The following SLC39A10 variants were observed in gnomAD, a reference collection of about 807,000 sequenced individuals.
SLC39A10 encodes the protein solute carrier family 39 member 10, also known as zinc transporter ZIP10.
Under a neutral mutation model 65.1 loss-of-function variants are expected in SLC39A10, and 13 were observed. The ratio of observed to expected loss-of-function variants is 0.20; its 90% CI spans 0.13 to 0.32. The LOEUF is 0.32. Ranked by LOEUF, SLC39A10 falls within the 10% of genes least tolerant of loss-of-function variation. The pLI is 1.00. For missense variants in SLC39A10, 831 were observed against 1,018.4 expected, an observed-to-expected ratio of 0.82 and a Z score of 2.50; for synonymous variants, 321 against 342.2, an observed-to-expected ratio of 0.94 and a Z score of 0.68.
rs547908689 is a variant in SLC39A10, at chr2:195,661,232, A to G, written c.-12+3951A>G. 1.2e-3 allele frequency among the ~76,000 whole-genome samples: 178 copies of G among 152,238 alleles called. 1 individual carries two copies. Among genetic ancestry groups the G allele is most frequent in the Non-Finnish European group, 2.0e-3 (133 of 67,998 alleles). ...AGATTATTGCAATATCAGTATTTCAAACTCTTTTTTTTCTTTTTATTATCC... is the reference window on the plus strand; with the variant it reads ...AGATTATTGCAATATCAGTATTTCAGACTCTTTTTTTTCTTTTTATTATCC... On this transcript the variant is annotated intron_variant, in intron 1 of 9. Transcript: ENST00000359634.
intron 2 of SLC39A10, among the ~76,000 whole-genome samples, chr2:195,620,310 G>A (rs1028404613): frequency 1.3e-5 from 2 of 152,104 alleles, no homozygotes; most frequent in Non-Finnish European, 2.9e-5. Flanking sequence ...TATAGCTGAG[G>A]TATAAAAGTA....
chr2:195,718,370 A>T lies in SLC39A10; in HGVS notation c.2146+38A>T, dbSNP rs202104221. On this transcript the variant is annotated intron_variant, in intron 8 of 9. Transcript: ENST00000359634. ...TAAAAATTTTACCAGATTTCATCAA[A>T]TCTAAGACTTCCTTAATTGTAATTG... 8.2e-6 allele frequency: 12 copies of T among 1,464,166 alleles called. No homozygotes were observed. In the East Asian group the frequency reaches 2.5e-4, roughly 31 times the overall value. The allele number at this position is 1,464,166 out of a possible 1,614,324, so 90.7% of individuals were successfully genotyped here. A position where few individuals can be genotyped will look rare whatever the true frequency, so the allele number is the denominator to read the frequency against.
At chr2:195,637,585 T>C (rs1688719329) in intron 2 of SLC39A10, among the ~76,000 whole-genome samples, 1 of 152,176 alleles carries the variant, frequency 6.6e-6, no homozygotes, top group Non-Finnish European at 1.5e-5. Flanking sequence ...AGAATAATGG[T>C]GGTCAAGAAA....
chr2:195,640,387 TG>T (rs1688784307), intron 2 of SLC39A10, among the ~76,000 whole-genome samples: 6 of 151,002 alleles, frequency 4.0e-5, no homozygotes, highest in Admixed American at 4.0e-4. Context: ...TCAAATTGGA[TG>T]AACACCGAGG....
At chr2:195,701,920 A>G (rs1691209578) in intron 3 of SLC39A10, among the ~76,000 whole-genome samples, 1 of 152,044 alleles carries the variant, frequency 6.6e-6, no homozygotes, top group African/African-American at 2.4e-5. Context: ...GGGCTCAGGT[A>G]ATCTCCCATC....
At chr2:195,690,429 T>C (rs1690694279) in intron 3 of SLC39A10, among the ~76,000 whole-genome samples, 1 of 152,176 alleles carries the variant, frequency 6.6e-6, no homozygotes, top group Non-Finnish European at 1.5e-5. Context: ...TTGGTAATTC[T>C]GTTTTTAACT....
intron 2 of SLC39A10, among the ~76,000 whole-genome samples, chr2:195,643,763 A>G (rs1688856293): frequency 6.6e-6 from 1 of 152,226 alleles, no homozygotes; most frequent in South Asian, 2.1e-4. Flanking sequence ...AAATTCTACC[A>G]TCATTCAACC....
rs1398233908 is a variant in SLC39A10, at chr2:195,735,146, C to T, written c.*105C>T. On this transcript the variant is annotated 3_prime_UTR_variant, in exon 10 of 10. Coordinates refer to ENST00000359634, the MANE Select transcript of SLC39A10 (RefSeq NM_020342.3). ...CTCAAAGGAAAGTCAGTGGCTTGCA[C>T]TACTTACAAGTTTCATAGATTTGAG... 7 of 1,228,762 alleles carry T rather than the reference C, an allele frequency of 5.7e-6. No individual in the cohort carries two copies. The highest frequency in any genetic ancestry group is 2.6e-5 in the East Asian group (1 of 38,234). The allele number at this position is 1,228,762 out of a possible 1,614,324, so 76.1% of individuals were successfully genotyped here. A position where few individuals can be genotyped will look rare whatever the true frequency, so the allele number is the denominator to read the frequency against.
At chr2:195,681,114 A>T in intron 2 of SLC39A10, 64 bp downstream of exon 2, 1 of 1,476,438 alleles carries the variant, frequency 6.8e-7, no homozygotes, top group Non-Finnish European at 9.2e-7. Context: ...TGCATTTTAA[A>T]AACAGGATAA....
intron 2 of SLC39A10, among the ~76,000 whole-genome samples, chr2:195,635,708 C>CCT (rs375322395): frequency 2.1e-5 from 3 of 141,830 alleles, no homozygotes; most frequent in East Asian, 2.1e-4. Context: ...ACCCCCCCCA[C>CCT]TTTTTTTTTT....
At chr2:195,657,524 C>T (rs1293096077) in intron 1 of SLC39A10, 6 of 985,346 alleles carry the variant, frequency 6.1e-6, no homozygotes, top group South Asian at 4.7e-5. Flanking sequence ...CGTGTGCGGT[C>T]TGGGCTGCTG....
At position 195,665,897 on chromosome 2, in the gene SLC39A10, G is replaced by A. The variant is rs532401538; in HGVS notation, c.-12+8616G>A. Among the ~76,000 whole-genome samples, 11 of 151,918 alleles carry A rather than the reference G, an allele frequency of 7.2e-5. No individual in the cohort carries two copies. The South Asian group carries it at 1.9e-3, about 26-fold the overall frequency. ...CTATTTCCTGTACTCCAGTTTCTCC[G>A]TACAATTTTCATTGTAATTTTGGTT... On this transcript the variant is annotated intron_variant, in intron 1 of 9. Coordinates refer to ENST00000359634, the MANE Select transcript of SLC39A10 (RefSeq NM_020342.3).
chr2:195,737,680 A>AAGTT lies in SLC39A10; in HGVS notation c.*2641_*2644dup, dbSNP rs1163041723. 2.4e-5 allele frequency: 9 copies of AAGTT among 382,696 alleles called. No individual in the cohort carries two copies. Among genetic ancestry groups the AAGTT allele is most frequent in the Non-Finnish European group, 3.9e-5 (8 of 207,744 alleles). The allele number at this position is 382,696 out of a possible 1,614,324, so 23.7% of individuals were successfully genotyped here. ...ATGCTTATGGAACTCCTCCAAAATA[A>AAGTT]AGTTACTCAAAGAGAGCAAATATGC... is the stretch of plus-strand genomic sequence containing the variant. On this transcript the variant is annotated 3_prime_UTR_variant, in exon 10 of 10. Transcript: ENST00000359634.
At chr2:195,672,913 C>T (rs1267769718) in intron 1 of SLC39A10, among the ~76,000 whole-genome samples, 1 of 152,154 alleles carries the variant, frequency 6.6e-6, no homozygotes, top group Non-Finnish European at 1.5e-5. Flanking sequence ...TAACAGGGAG[C>T]TAAAGGAATA....
chr2:195,701,119 A>T (rs1056401030), intron 3 of SLC39A10, among the ~76,000 whole-genome samples: 1 of 147,818 alleles, frequency 6.8e-6, no homozygotes, highest in Non-Finnish European at 1.5e-5. Flanking sequence ...TTTTTAGTCA[A>T]TATTTTTTCT....
At chr2:195,674,660 A>G (rs1473996392) in intron 1 of SLC39A10, 1 of 983,924 alleles carries the variant, frequency 1.0e-6, no homozygotes, top group Non-Finnish European at 1.2e-6. Flanking sequence ...ACATACAGTC[A>G]TATGCATTGC....
chr2:195,662,592 T>C (rs1464160916), intron 1 of SLC39A10, among the ~76,000 whole-genome samples: 4 of 152,186 alleles, frequency 2.6e-5, no homozygotes, highest in South Asian at 2.1e-4. Context: ...TACTTTAATA[T>C]CTATAAATAA....
intron 2 of SLC39A10, among the ~76,000 whole-genome samples, chr2:195,632,960 A>G (rs1688619988): frequency 6.6e-6 from 1 of 152,232 alleles, no homozygotes; most frequent in Admixed American, 6.5e-5. Context: ...AACGGGGACT[A>G]GATTCTCCTT....
chr2:195,633,501 G>A (rs1466324052), intron 2 of SLC39A10, among the ~76,000 whole-genome samples: 1 of 152,230 alleles, frequency 6.6e-6, no homozygotes, highest in Admixed American at 6.5e-5. Context: ...TTTTGTGTGA[G>A]ATAGTTGCTC....
Sources: gnomAD v4.1 joint callset for allele counts (sites outside exome capture counted in the v4.1 genomes callset) on GRCh38, gnomAD v4.1.1 for gene constraint, MANE v1.5 for transcripts, NCBI Gene and HGNC (gene_info 2026-07-23, HGNC 2026-07-21) for gene names.